Variants in SRFBP1 observed in about 807,000 individuals in gnomAD.
SRFBP1 encodes serum response factor binding protein 1.
Under a neutral mutation model 45.5 loss-of-function variants are expected in SRFBP1, and 47 were observed. That is an observed-to-expected ratio of 1.03 (90% confidence interval 0.82 to 1.32). The LOEUF (loss-of-function observed/expected upper bound fraction) is 1.32. Among genes scored for constraint, SRFBP1 ranks in the 40% most tolerant of loss-of-function variants. SRFBP1 has a pLI of 0.00. For synonymous variants in SRFBP1, 203 were observed against 166.3 expected, an observed-to-expected ratio of 1.22 and a Z score of -1.70; for missense variants, 621 against 484.6, an observed-to-expected ratio of 1.28 and a Z score of -2.64.
At chr5:121,998,573 A>C (rs1474743801) in intron 4 of SRFBP1, among the ~76,000 whole-genome samples, 7 of 146,666 alleles carry the variant, frequency 4.8e-5, no homozygotes, top group South Asian at 4.5e-4. Flanking sequence ...CTAGATGACG[A>C]GTTAGTGGGT....
chr5:121,974,195 GGTT>G lies in SRFBP1; in HGVS notation c.39_41del (p.Val14del). On this transcript the variant is annotated inframe_deletion and splice_region_variant, in exon 2 of 8. Coordinates refer to ENST00000339397, the MANE Select transcript of SRFBP1 (RefSeq NM_152546.3). ...TCTAATTATTGCTTTATTCTTCAAA[GGTT>G]GTGAAGATGAGAAAAGAAGTGAAGA... 1.9e-6 allele frequency: 3 copies of G among 1,605,034 alleles called. No homozygotes were observed. The highest frequency in any genetic ancestry group is 2.6e-6 in the Non-Finnish European group (3 of 1,172,736).
chr5:122,048,952 A>C (rs142584564), intron 2 of SRFBP1, among the ~76,000 whole-genome samples: 5,820 of 151,718 alleles, frequency 0.038, 326 homozygotes, highest in African/African-American at 0.12. Context: ...CTTTATTAGT[A>C]TTGCTAGCGG....
At chr5:121,966,440 A>G (rs541272901) in intron 1 of SRFBP1, among the ~76,000 whole-genome samples, 1 of 152,330 alleles carries the variant, frequency 6.6e-6, no homozygotes, top group South Asian at 2.1e-4. Flanking sequence ...GGTAATAAGA[A>G]GTAGGTATAT....
chr5:122,004,794 T>C (rs1057354674), intron 4 of SRFBP1, among the ~76,000 whole-genome samples: 1 of 152,182 alleles, frequency 6.6e-6, no homozygotes, highest in Non-Finnish European at 1.5e-5. Flanking sequence ...GCTATGAACT[T>C]CTCTCTTAGA....
chr5:121,975,673 A>G (rs184484267), intron 3 of SRFBP1, among the ~76,000 whole-genome samples: 49 of 151,992 alleles, frequency 3.2e-4, no homozygotes, highest in Admixed American at 7.9e-4. Flanking sequence ...TCAGGTTTTT[A>G]TTTTTACTGT....
chr5:122,071,219 G>GTATA (rs34480003), intron 2 of SRFBP1, among the ~76,000 whole-genome samples: 2 of 144,068 alleles, frequency 1.4e-5, no homozygotes, highest in South Asian at 4.4e-4. Flanking sequence ...GTGTGTGTGT[G>GTATA]TATAAAAATT....
In SRFBP1 at chr5:122,020,715, G is replaced by A. The variant is rs1753298160; in HGVS notation, c.980G>A (p.Arg327Lys). 1 of 1,612,272 alleles carries A rather than the reference G, an allele frequency of 6.2e-7. No homozygotes were observed. Among genetic ancestry groups the A allele is most frequent in the East Asian group, 2.2e-5 (1 of 44,820 alleles). ...ACAGGTGAAACTCATGGGGATACAA[G>A]AAATGACAAAATCAAGCCAAGTACA... ...EDTGETHGDT[R>K]NDKIKPSTET... Residue 327 changes from arginine to lysine, a missense_variant, in exon 6 of 8, where the codon AGA becomes AAA. Arg to Lys is a conservative substitution (Grantham distance 26). Transcript: ENST00000339397.
At chr5:122,072,222 G>A (rs1460782099) in intron 2 of SRFBP1, among the ~76,000 whole-genome samples, 2 of 152,154 alleles carry the variant, frequency 1.3e-5, no homozygotes, top group Admixed American at 6.5e-5. Flanking sequence ...CCTTAAAAAT[G>A]CTGAAATTGG....
At chr5:122,004,579 T>G (rs576418704) in intron 4 of SRFBP1, among the ~76,000 whole-genome samples, 24 of 152,174 alleles carry the variant, frequency 1.6e-4, no homozygotes, top group Non-Finnish European at 3.2e-4. Context: ...TCTAGCTATA[T>G]AGGTTTATAG....
downstream of SRFBP1, among the ~76,000 whole-genome samples, chr5:122,030,528 C>G (rs1263188124): frequency 6.6e-6 from 1 of 151,878 alleles, no homozygotes; most frequent in Non-Finnish European, 1.5e-5. Context: ...ATATTTGTTT[C>G]ATCTGAGTTA....
chr5:122,072,870 T>C (rs1409596771), intron 2 of SRFBP1, among the ~76,000 whole-genome samples: 1 of 152,192 alleles, frequency 6.6e-6, no homozygotes, highest in Non-Finnish European at 1.5e-5. Context: ...GAGTGCCTCT[T>C]TTTGTAAATG....
chr5:121,968,899 G>A (rs1362649578), intron 1 of SRFBP1, among the ~76,000 whole-genome samples: 1 of 150,258 alleles, frequency 6.7e-6, no homozygotes, highest in Non-Finnish European at 1.5e-5. Flanking sequence ...AAGTTCCCCT[G>A]GAACAATACT....
intron 3 of SRFBP1, among the ~76,000 whole-genome samples, chr5:121,982,887 TG>T (rs1460843853): frequency 6.6e-6 from 1 of 151,822 alleles, no homozygotes; most frequent in Non-Finnish European, 1.5e-5. Context: ...TTTGTAATTC[TG>T]GAAATTTGAA....
chr5:121,996,876 A>C (rs1339299622), intron 4 of SRFBP1, among the ~76,000 whole-genome samples: 2 of 148,052 alleles, frequency 1.4e-5, no homozygotes, highest in Non-Finnish European at 2.9e-5. Context: ...AACAACAGAC[A>C]ACCAGAGAGC....
chr5:122,066,583 C>T, intron 2 of SRFBP1: 1 of 534,084 alleles, frequency 1.9e-6, no homozygotes, highest in African/African-American at 1.9e-5. Flanking sequence ...GTTCAAAATC[C>T]AGTTATGTGC....
Position 122,034,715 on chromosome 5 carries a change from C to G in SRFBP1, n.311+12308C>G, listed in dbSNP as rs145381117. 2.1e-3 allele frequency among the ~76,000 whole-genome samples: 312 copies of G among 151,682 alleles called. 2 individuals are homozygous for G. Among genetic ancestry groups the G allele is most frequent in the Middle Eastern group, 0.01 (3 of 294 alleles). On this transcript the variant is annotated intron_variant and non_coding_transcript_variant, in intron 2 of 2. Transcript: ENST00000504881. ...ATTAAGTATATTTAATGCTAAATTG[C>G]TGAAGTTTCTCTAGTCATTTTTTTG...
intron 2 of SRFBP1, among the ~76,000 whole-genome samples, chr5:122,041,122 A>G (rs1222061656): frequency 6.6e-6 from 1 of 152,182 alleles, no homozygotes; most frequent in Non-Finnish European, 1.5e-5. Flanking sequence ...GAATAGCTGT[A>G]GTCACCAGTT....
At chr5:121,975,829 G>A (rs188879035) in intron 3 of SRFBP1, among the ~76,000 whole-genome samples, 6 of 151,396 alleles carry the variant, frequency 4.0e-5, no homozygotes, top group Admixed American at 1.3e-4. Flanking sequence ...ATTCAGTTCT[G>A]TAGTAACTTC....
At chr5:122,001,029 T>G (rs539523937) in intron 4 of SRFBP1, among the ~76,000 whole-genome samples, 1 of 152,196 alleles carries the variant, frequency 6.6e-6, no homozygotes, top group Admixed American at 6.5e-5. Flanking sequence ...ATAAAATACT[T>G]CAATGAGATC....
Sources: allele counts gnomAD v4.1 joint callset (sites outside exome capture counted in the v4.1 genomes callset), GRCh38; gene constraint gnomAD v4.1.1; transcripts MANE v1.5; gene names NCBI Gene and HGNC (gene_info 2026-07-23, HGNC 2026-07-21).